The following RBBP8 variants were observed in gnomAD, a reference collection of about 807,000 sequenced individuals.
The protein encoded by RBBP8 is DNA endonuclease RBBP8.
RBBP8 carries 88 observed loss-of-function variants against 108.3 expected under a neutral mutation model. The observed-to-expected ratio is 0.81, with a 90% CI of 0.68 to 0.97. The LOEUF is 0.97. Among genes scored for constraint, RBBP8 ranks in the 50% least tolerant of loss-of-function variants. The pLI, the probability that RBBP8 is intolerant of heterozygous loss-of-function variation, is 0.00. For missense variants in RBBP8, 1,023 were observed against 1,049.0 expected, an observed-to-expected ratio of 0.98 and a Z score of 0.34; for synonymous variants, 332 against 348.2, an observed-to-expected ratio of 0.95 and a Z score of 0.52.
At position 22,933,394 on chromosome 18, in the gene RBBP8, C is replaced by T. The variant is rs886053653; in HGVS notation, c.-269C>T. 19 of 153,634 alleles carry T rather than the reference C, an allele frequency of 1.2e-4. No individual in the cohort carries two copies. The highest frequency in any genetic ancestry group is 2.3e-4 in the Non-Finnish European group (16 of 68,154). 9.5% of individuals were successfully genotyped at this position (153,634 alleles called of 1,614,324 possible). ...GCCTCCGAGCCCGGCCGGCAGCCCC[C>T]GGCCTTAAAGCGCGGGCTGTCCGGA... On this transcript the variant is annotated 5_prime_UTR_variant, in exon 1 of 19. Coordinates refer to ENST00000327155, the MANE Select transcript of RBBP8 (RefSeq NM_002894.3).
intron 4 of RBBP8, among the ~76,000 whole-genome samples, chr18:22,959,091 C>T (rs764763723): frequency 6.6e-6 from 1 of 152,112 alleles, no homozygotes; most frequent in South Asian, 2.1e-4. Context: ...TAAATGTGGG[C>T]CTTTCTATTG....
At chr18:22,965,529 G>A (rs1041147575) in intron 4 of RBBP8, among the ~76,000 whole-genome samples, 3 of 152,042 alleles carry the variant, frequency 2.0e-5, no homozygotes, top group African/African-American at 7.2e-5. Context: ...AGATGACGAG[G>A]GCCTAGGCTG....
chr18:23,010,499 C>CT (rs1162235945), intron 16 of RBBP8, among the ~76,000 whole-genome samples: 1 of 151,642 alleles, frequency 6.6e-6, no homozygotes. Flanking sequence ...ACTCAGGAAG[C>CT]TTTGAGAAGA....
intron 3 of RBBP8, among the ~76,000 whole-genome samples, chr18:22,918,523 T>C (rs778108374): frequency 2.0e-5 from 3 of 152,320 alleles, no homozygotes; most frequent in Non-Finnish European, 4.4e-5. Flanking sequence ...GGTATTATAA[T>C]CTTATAGGAC....
At chr18:22,961,576 C>T (rs778017192) in intron 4 of RBBP8, among the ~76,000 whole-genome samples, 2 of 152,190 alleles carry the variant, frequency 1.3e-5, no homozygotes, top group Non-Finnish European at 2.9e-5. Flanking sequence ...GTCTAACCCA[C>T]GACCTGCGGG....
At chr18:22,962,191 G>C (rs190099984) in intron 4 of RBBP8, among the ~76,000 whole-genome samples, 78 of 151,906 alleles carry the variant, frequency 5.1e-4, no homozygotes, top group African/African-American at 1.8e-3. Flanking sequence ...TAACTTTTCA[G>C]ATATTTAGAC....
chr18:22,994,605 G>A (rs2045820281), intron 12 of RBBP8, among the ~76,000 whole-genome samples: 1 of 146,952 alleles, frequency 6.8e-6, no homozygotes, highest in South Asian at 2.2e-4. Context: ...TCGTGCCACT[G>A]CACTGCACTC....
intron 2 of RBBP8, among the ~76,000 whole-genome samples, chr18:22,943,185 C>T (rs1911248531): frequency 1.3e-5 from 2 of 152,108 alleles, no homozygotes; most frequent in South Asian, 4.1e-4. Context: ...GGCACAGTGG[C>T]ACACACTTGG....
At chr18:22,974,712 C>T (rs949317531) in intron 5 of RBBP8, among the ~76,000 whole-genome samples, 2 of 152,174 alleles carry the variant, frequency 1.3e-5, no homozygotes, top group Admixed American at 6.5e-5. Flanking sequence ...CACCCACCTC[C>T]GCCTCTGAGT....
chr18:22,996,485 A>C, intron 13 of RBBP8, 23 bp downstream of exon 13: 1 of 1,611,294 alleles, frequency 6.2e-7, no homozygotes, highest in Non-Finnish European at 8.5e-7. Flanking sequence ...GTAAAACCAA[A>C]ACTCATTTGA....
rs1384227461 is a variant in RBBP8 at position 22,992,779 on chromosome 18, C to G, written c.952C>G (p.Gln318Glu). The G allele has an allele frequency of 1.3e-6, 2 of 1,598,932 alleles. No individual in the cohort carries two copies. Among genetic ancestry groups the G allele is most frequent in the East Asian group, 2.2e-5 (1 of 44,728 alleles). ...FSDSTSKTPP[Q>E]EELPTRVSSP... ...AGATTCTACTTCAAAGACTCCTCCTCAAGAAGAATTACCTACTCGAGTGTC... is the reference window on the plus strand; with the variant it reads ...AGATTCTACTTCAAAGACTCCTCCTGAAGAAGAATTACCTACTCGAGTGTC... The change falls in exon 11 of 19, where the codon CAA becomes GAA. Residue 318 changes from glutamine to glutamate, a missense_variant. Gln to Glu is a conservative substitution (Grantham distance 29, BLOSUM62 2). Coordinates refer to ENST00000327155, the MANE Select transcript of RBBP8 (RefSeq NM_002894.3).
intron 9 of RBBP8, among the ~76,000 whole-genome samples, chr18:22,990,139 C>T (rs963997627): frequency 6.6e-6 from 1 of 152,054 alleles, no homozygotes; most frequent in Non-Finnish European, 1.5e-5. Context: ...TCCCCCCTAC[C>T]CATAAACCTG....
chr18:22,997,511 T>C, intron 13 of RBBP8, 109 bp from the exon 14 acceptor site: 1 of 742,612 alleles, frequency 1.3e-6, no homozygotes, highest in African/African-American at 1.8e-5. Context: ...TGCTTAAAAG[T>C]TGTAAAATGT....
At chr18:23,006,103 G>A (rs940084486) in intron 15 of RBBP8, among the ~76,000 whole-genome samples, 4 of 151,814 alleles carry the variant, frequency 2.6e-5, no homozygotes, top group African/African-American at 7.3e-5. Context: ...AGAGGATGGC[G>A]TGAACCCGGG....
At chr18:22,927,369 C>A (rs1052719748) in intron 3 of RBBP8, among the ~76,000 whole-genome samples, 2 of 152,150 alleles carry the variant, frequency 1.3e-5, no homozygotes, top group African/African-American at 4.8e-5. Context: ...GGGAAATGCC[C>A]AGCACAAATA....
intron 14 of RBBP8, among the ~76,000 whole-genome samples, chr18:22,998,125 T>C (rs1404574744): frequency 6.6e-6 from 1 of 152,202 alleles, no homozygotes; most frequent in African/African-American, 2.4e-5. Context: ...ATAGTTATTT[T>C]CTGACCCTTT....
chr18:22,936,752 A>G lies in RBBP8; in HGVS notation c.-98-2A>G. On this transcript the variant is annotated splice_acceptor_variant, in intron 1 of 18. Coordinates refer to ENST00000327155, the MANE Select transcript of RBBP8 (RefSeq NM_002894.3). LOFTEE classifies it low-confidence loss of function (5UTR_SPLICE). ...CATTTATGTTGCAATCTGTCATTTC[A>G]GGTATTTGACCTGTCCAAAGACGAC... is the stretch of plus-strand genomic sequence containing the variant. 7.7e-7 allele frequency: 1 copy of G among 1,297,876 alleles called. No individual in the cohort carries two copies. Among genetic ancestry groups the G allele is most frequent in the South Asian group, 1.2e-5 (1 of 82,990 alleles). 80.4% of individuals were successfully genotyped at this position (1,297,876 alleles called of 1,614,324 possible). A position where few individuals can be genotyped will look rare whatever the true frequency, so the allele number is the denominator to read the frequency against.
At chr18:22,958,169 A>G (rs1474902988) in intron 4 of RBBP8, among the ~76,000 whole-genome samples, 2 of 152,162 alleles carry the variant, frequency 1.3e-5, no homozygotes, top group African/African-American at 4.8e-5. Context: ...CTTTTCTATT[A>G]CCAGATTTCA....
At chr18:23,018,588 A>G (rs2144830645) in intron 17 of RBBP8, among the ~76,000 whole-genome samples, 1 of 152,296 alleles carries the variant, frequency 6.6e-6, no homozygotes, top group African/African-American at 2.4e-5. Context: ...TATGCTTTAA[A>G]TTACCTCTAA....
Sources: gnomAD v4.1 joint callset for allele counts (sites outside exome capture counted in the v4.1 genomes callset) on GRCh38, gnomAD v4.1.1 for gene constraint, MANE v1.5 for transcripts, NCBI Gene and HGNC (gene_info 2026-07-23, HGNC 2026-07-21) for gene names.